The following ATP6V1C1 variants were observed in gnomAD, a reference collection of about 807,000 sequenced individuals.
ATP6V1C1 encodes the protein ATPase H+ transporting V1 subunit C1.
A neutral mutation model predicts 53.9 loss-of-function variants in ATP6V1C1; 45 were observed. The observed-to-expected ratio is 0.83, with a 90% CI of 0.66 to 1.07. The LOEUF is 1.07. Among genes scored for constraint, ATP6V1C1 ranks in the 50% least tolerant of loss-of-function variants. The pLI, the probability that ATP6V1C1 is intolerant of heterozygous loss-of-function variation, is 0.00. For synonymous variants in ATP6V1C1, 153 were observed against 155.2 expected (o/e 0.99, Z 0.11); for missense variants, 315 against 440.3 (o/e 0.72, Z 2.55).
Position 103,068,538 on chromosome 8 carries a change from G to A in ATP6V1C1, c.1054-114G>A, listed in dbSNP as rs1290903607. The A allele has an allele frequency of 5.0e-5, 33 of 656,012 alleles. 1 individual carries two copies. The East Asian group carries it at 1.0e-3, about 20-fold the overall frequency. The allele number at this position is 656,012 out of a possible 1,614,324, so 40.6% of individuals were successfully genotyped here. A position where few individuals can be genotyped will look rare whatever the true frequency, so the allele number is the denominator to read the frequency against. On this transcript the variant is annotated intron_variant, in intron 12 of 12. Transcript: ENST00000518738. ...TCTAACTCAGATAAATTAGCCTTAA[G>A]TGCATACATTTAGCCCAGAGTAGAT...
chr8:103,041,000 G>A (rs559266209), intron 2 of ATP6V1C1, 32 bp downstream of exon 2: 1 of 1,597,868 alleles, frequency 6.3e-7, no homozygotes, highest in African/African-American at 1.3e-5. Context: ...TTATATATGA[G>A]TTCATCATCC....
intron 1 of ATP6V1C1, among the ~76,000 whole-genome samples, chr8:103,023,693 C>T (rs531199812): frequency 1.8e-4 from 28 of 152,260 alleles, no homozygotes; most frequent in Non-Finnish European, 4.0e-4. Context: ...CTTTGAAAGA[C>T]AGTGGATGAA....
At position 103,064,740 on chromosome 8, in the gene ATP6V1C1, G is replaced by A. The variant is rs760820656; in HGVS notation, c.855G>A (p.Val285=). 6.2e-7 allele frequency: 1 copy of A among 1,613,198 alleles called. No homozygotes were observed. ...QFGPLVRWLK[V]NFSEAFIAWI... ...GACCACTTGTACGGTGGCTGAAAGT[G>A]AATTTTAGTGAAGCATTTATTGCAT... Residue 285 remains valine (V), a synonymous_variant, in exon 11 of 13, where the codon GTG becomes GTA. Coordinates refer to ENST00000518738, the MANE Select transcript of ATP6V1C1 (RefSeq NM_001695.5).
Position 103,055,897 on chromosome 8 carries a change from A to G in ATP6V1C1, c.602A>G (p.Tyr201Cys). 6 of 1,612,314 alleles carry G rather than the reference A, an allele frequency of 3.7e-6. No individual in the cohort carries two copies. The highest frequency in any genetic ancestry group is 5.1e-6 in the Non-Finnish European group (6 of 1,178,648). ...AACCACAACGACTGGATTAAGCAGT[A>G]TGAAACACTAGCCGAAATGGTAGTT... ...KLNHNDWIKQYETLAEMVVPR... is the reference protein window; with the variant it reads ...KLNHNDWIKQCETLAEMVVPR... The change falls in exon 8 of 13, where the codon TAT (tyrosine) becomes TGT (cysteine). Residue 201 changes from tyrosine to cysteine, a missense_variant. Tyr to Cys is a radical substitution (Grantham distance 194). Transcript: ENST00000518738.
intron 1 of ATP6V1C1, among the ~76,000 whole-genome samples, chr8:103,036,621 C>T (rs57779883): frequency 1.3e-3 from 197 of 152,232 alleles, no homozygotes; most frequent in African/African-American, 4.5e-3. Context: ...TTCCTTTGAT[C>T]CTAATAAAAG....
intron 1 of ATP6V1C1, among the ~76,000 whole-genome samples, chr8:103,028,672 TTATGCAGACAATTA>T (rs1178071904): frequency 6.6e-6 from 1 of 152,178 alleles, no homozygotes. Context: ...GTGAAGACAT[TTATGCAGACAATTA>T]TATGCAGAAC....
intron 8 of ATP6V1C1, among the ~76,000 whole-genome samples, chr8:103,057,829 TG>T (rs747796712): frequency 4.6e-5 from 7 of 152,256 alleles, no homozygotes; most frequent in Non-Finnish European, 2.9e-5. Flanking sequence ...TCATCATGAA[TG>T]TTTTTTTTTT....
chr8:103,048,184 T>G (rs905112108), intron 3 of ATP6V1C1, among the ~76,000 whole-genome samples: 1 of 152,202 alleles, frequency 6.6e-6, no homozygotes, highest in African/African-American at 2.4e-5. Context: ...GTCTTATAAA[T>G]GAAAGAACTG....
chr8:103,043,650 A>T (rs1817042519), intron 3 of ATP6V1C1, among the ~76,000 whole-genome samples: 1 of 151,382 alleles, frequency 6.6e-6, no homozygotes, highest in African/African-American at 2.4e-5. Context: ...TCATTTTTAA[A>T]AATTTGTGTT....
At chr8:103,031,106 G>A (rs531554210) in intron 1 of ATP6V1C1, among the ~76,000 whole-genome samples, 50 of 152,260 alleles carry the variant, frequency 3.3e-4, no homozygotes, top group Middle Eastern at 6.8e-3. Flanking sequence ...ACACAGTGCA[G>A]CATTTTTACA....
At chr8:103,066,235 A>G in intron 11 of ATP6V1C1, 86 bp from the exon 12 acceptor site, 1 of 1,447,390 alleles carries the variant, frequency 6.9e-7, no homozygotes, top group Non-Finnish European at 9.3e-7. Context: ...AACCATGATT[A>G]AAGAGTATGA....
chr8:103,041,875 A>T (rs2131389419), intron 2 of ATP6V1C1, among the ~76,000 whole-genome samples: 1 of 152,340 alleles, frequency 6.6e-6, no homozygotes, highest in Admixed American at 6.5e-5. Flanking sequence ...CCGTCTCAAA[A>T]ATATAAATAA....
At chr8:103,049,251 A>G (rs1331984583) in intron 4 of ATP6V1C1, among the ~76,000 whole-genome samples, 2 of 152,208 alleles carry the variant, frequency 1.3e-5, no homozygotes, top group South Asian at 2.1e-4. Context: ...TCCAGGTTCT[A>G]TTTATTCACT....
At chr8:103,065,104 G>A (rs887109010) in intron 11 of ATP6V1C1, among the ~76,000 whole-genome samples, 1 of 152,132 alleles carries the variant, frequency 6.6e-6, no homozygotes, top group Non-Finnish European at 1.5e-5. Flanking sequence ...TTAAAAGGAA[G>A]ATCCTTCAGG....
rs894969123 is a variant in ATP6V1C1 at position 103,070,313 on chromosome 8, G to A, written c.*1566G>A. 6.6e-6 allele frequency: 1 copy of A among 152,178 alleles called. No homozygotes were observed. Among genetic ancestry groups the A allele is most frequent in the African/African-American group, 2.4e-5 (1 of 41,442 alleles). The allele number at this position is 152,178 out of a possible 1,614,324, so 9.4% of individuals were successfully genotyped here. A position where few individuals can be genotyped will look rare whatever the true frequency, so the allele number is the denominator to read the frequency against. ...CAGATTTCTTTGTATACTTGTATTA[G>A]TATTTCTGTAAGATCTGAGAAGTGG... On this transcript the variant is annotated 3_prime_UTR_variant, in exon 13 of 13. Coordinates refer to ENST00000518738, the MANE Select transcript of ATP6V1C1 (RefSeq NM_001695.5).
chr8:103,068,450 G>T (rs1817533189), intron 12 of ATP6V1C1, among the ~76,000 whole-genome samples: 1 of 152,314 alleles, frequency 6.6e-6, no homozygotes, highest in Middle Eastern at 3.4e-3. Context: ...CTCACTGTCT[G>T]TGTTTCCTAG....
rs1341987663 is a variant in ATP6V1C1, at chr8:103,072,187, A to T, written c.*3440A>T. The T allele has an allele frequency of 6.6e-6, 1 of 152,254 alleles. No individual in the cohort carries two copies. The highest frequency in any genetic ancestry group is 2.4e-5 in the African/African-American group (1 of 41,462). The allele number at this position is 152,254 out of a possible 1,614,324, so 9.4% of individuals were successfully genotyped here. On this transcript the variant is annotated 3_prime_UTR_variant, in exon 13 of 13. Transcript: ENST00000518738. ...ATATTCCAGCTTTTTGAATGAGTGC[A>T]TATCCAGTAGTACCTTTAAAGTAAC...
intron 8 of ATP6V1C1, among the ~76,000 whole-genome samples, chr8:103,060,216 A>G (rs1232889807): frequency 6.6e-6 from 1 of 151,942 alleles, no homozygotes; most frequent in Non-Finnish European, 1.5e-5. Flanking sequence ...TGATCTGCCT[A>G]CCTTGGCCTC....
chr8:103,039,737 A>AAGG (rs756364883), intron 1 of ATP6V1C1, among the ~76,000 whole-genome samples: 3 of 151,832 alleles, frequency 2.0e-5, no homozygotes, highest in Non-Finnish European at 2.9e-5. Flanking sequence ...TGGGAAGGGG[A>AAGG]AGGAGGAGGA....
Sources: allele counts gnomAD v4.1 joint callset (sites outside exome capture counted in the v4.1 genomes callset), GRCh38; gene constraint gnomAD v4.1.1; transcripts MANE v1.5; gene names NCBI Gene and HGNC (gene_info 2026-07-23, HGNC 2026-07-21).